TBL1XR1: variants seen among roughly 807,000 people sequenced by gnomAD.
TBL1XR1 encodes F-box-like/WD repeat-containing protein TBL1XR1.
Under a neutral mutation model 66.9 loss-of-function variants are expected in TBL1XR1, and 5 were observed. The observed-to-expected ratio is 0.07, with a 90% CI of 0.04 to 0.16. The LOEUF (loss-of-function observed/expected upper bound fraction) is 0.16, where lower values mean the gene tolerates loss of function less well. Among genes scored for constraint, TBL1XR1 ranks in the 10% least tolerant of loss-of-function variants. The pLI, the probability that TBL1XR1 is intolerant of heterozygous loss-of-function variation, is 1.00. For missense variants in TBL1XR1, 238 were observed against 623.2 expected, an observed-to-expected ratio of 0.38 and a Z score of 6.58; for synonymous variants, 210 against 206.0, an observed-to-expected ratio of 1.02 and a Z score of -0.17.
intron 1 of TBL1XR1, among the ~76,000 whole-genome samples, chr3:177,165,961 G>A (rs1005644827): frequency 7.9e-5 from 12 of 152,088 alleles, no homozygotes; most frequent in Admixed American, 7.2e-4. Flanking sequence ...ATGGTGGTAT[G>A]CCCCTGTAGA....
chr3:177,084,323 C>T (rs1320016672), intron 2 of TBL1XR1, among the ~76,000 whole-genome samples: 1 of 152,132 alleles, frequency 6.6e-6, no homozygotes, highest in African/African-American at 2.4e-5. Flanking sequence ...TCTTCTTTCC[C>T]TTTCATAACT....
At chr3:177,113,107 T>A (rs6781633) in intron 1 of TBL1XR1, among the ~76,000 whole-genome samples, 2 of 152,014 alleles carry the variant, frequency 1.3e-5, no homozygotes, top group African/African-American at 2.4e-5. Context: ...GAACACACAG[T>A]GGGGAGAGAA....
intron 2 of TBL1XR1, among the ~76,000 whole-genome samples, chr3:177,082,413 T>C (rs1004533320): frequency 6.6e-6 from 1 of 151,968 alleles, no homozygotes; most frequent in Admixed American, 6.6e-5. Flanking sequence ...AAAAATCTTA[T>C]ATCTTGTAAT....
chr3:177,058,514 G>A (rs1334441978), intron 3 of TBL1XR1, among the ~76,000 whole-genome samples: 2 of 152,058 alleles, frequency 1.3e-5, no homozygotes, highest in African/African-American at 4.8e-5. Flanking sequence ...AATTATTCAC[G>A]CCATAGCTGG....
intron 7 of TBL1XR1, among the ~76,000 whole-genome samples, chr3:177,049,375 G>A (rs1165714020): frequency 2.0e-5 from 3 of 152,166 alleles, no homozygotes; most frequent in Admixed American, 2.0e-4. Flanking sequence ...CTATAATGGT[G>A]AGAATTTATC....
intron 1 of TBL1XR1, among the ~76,000 whole-genome samples, chr3:177,126,815 CAAAA>C (rs10559049): frequency 4.7e-5 from 7 of 148,204 alleles, no homozygotes; most frequent in African/African-American, 1.2e-4. Context: ...CATTTTCAGC[CAAAA>C]AAAAAAAAAG....
chr3:177,156,711 A>G (rs2108873258), intron 1 of TBL1XR1, among the ~76,000 whole-genome samples: 1 of 152,228 alleles, frequency 6.6e-6, no homozygotes, highest in South Asian at 2.1e-4. Context: ...AAAAAGATGT[A>G]TGAATGTCCT....
At chr3:177,196,707 A>C (rs1308430261) in intron 1 of TBL1XR1, among the ~76,000 whole-genome samples, 2 of 148,274 alleles carry the variant, frequency 1.3e-5, no homozygotes, top group Admixed American at 1.4e-4. Flanking sequence ...CCTTGATTCA[A>C]TTTGCTGCAA....
rs556770393 is a variant in TBL1XR1, at chr3:177,149,106, C to T, written c.-122+48015G>A. ...TTCCATTTCTTGCTCAGTCCCAAGA[C>T]GGCAGACATATTTGGCTTTTGATGA... On this transcript the variant is annotated intron_variant, in intron 1 of 15. Coordinates refer to ENST00000457928, the MANE Select transcript of TBL1XR1 (RefSeq NM_024665.7). 5.3e-5 allele frequency among the ~76,000 whole-genome samples: 8 copies of T among 152,284 alleles called. No individual in the cohort carries two copies. The East Asian group carries it at 5.8e-4, about 11-fold the overall frequency.
At chr3:177,100,587 G>A (rs1293558721) in intron 1 of TBL1XR1, among the ~76,000 whole-genome samples, 1 of 151,980 alleles carries the variant, frequency 6.6e-6, no homozygotes. Flanking sequence ...ACCACGCCTG[G>A]CCAATTTTGG....
At chr3:177,127,103 G>A (rs1486297612) in intron 1 of TBL1XR1, among the ~76,000 whole-genome samples, 1 of 152,152 alleles carries the variant, frequency 6.6e-6, no homozygotes, top group Non-Finnish European at 1.5e-5. Flanking sequence ...TGTGGAACCT[G>A]CTGCCCAAGT....
chr3:177,109,420 T>C (rs905627564), intron 1 of TBL1XR1, among the ~76,000 whole-genome samples: 2 of 152,088 alleles, frequency 1.3e-5, no homozygotes, highest in Admixed American at 1.3e-4. Flanking sequence ...AAACAGAAGG[T>C]TGTTTTGTTT....
At chr3:177,131,245 G>C in intron 1 of TBL1XR1, 1 of 633,444 alleles carries the variant, frequency 1.6e-6, no homozygotes, top group African/African-American at 2.0e-5. Flanking sequence ...TTCATTCAAA[G>C]ACACATAGCA....
intron 1 of TBL1XR1, among the ~76,000 whole-genome samples, chr3:177,161,546 G>A (rs1424343585): frequency 2.0e-5 from 3 of 152,084 alleles, no homozygotes; most frequent in Non-Finnish European, 4.4e-5. Context: ...ACTTTGGGAG[G>A]CTGAAGCGGG....
chr3:177,090,681 C>T (rs567937413), intron 2 of TBL1XR1, among the ~76,000 whole-genome samples: 10 of 151,948 alleles, frequency 6.6e-5, no homozygotes, highest in Admixed American at 1.3e-4. Flanking sequence ...CATGGTGGCA[C>T]GCACCTGTAG....
rs187635517 is a variant in TBL1XR1 at position 177,101,960 on chromosome 3, T to A, written c.-121-3419A>T. The stretch of plus-strand genomic sequence containing the variant: ...TGAACCCCTGTATTAACCATTAGAA[T>A]TTTTTTTTTTACTTTGAAATGAACA... On this transcript the variant is annotated intron_variant, in intron 1 of 15. Coordinates refer to ENST00000457928, the MANE Select transcript of TBL1XR1 (RefSeq NM_024665.7). Among the ~76,000 whole-genome samples the A allele has an allele frequency of 1.4e-3, 196 of 141,378 alleles. 4 individuals are homozygous for A. In the East Asian group the frequency reaches 0.037, roughly 27 times the overall value. The allele number at this position is 141,378 out of a possible 152,430, so 92.7% of individuals were successfully genotyped here.
At chr3:177,166,671 G>A (rs928904810) in intron 1 of TBL1XR1, among the ~76,000 whole-genome samples, 2 of 152,168 alleles carry the variant, frequency 1.3e-5, no homozygotes. Flanking sequence ...CAGCCATGCA[G>A]AACTGTGAGT....
At chr3:177,112,107 A>ATATATATATATATTTTTTTTTT in intron 1 of TBL1XR1, among the ~76,000 whole-genome samples, 2 of 37,650 alleles carry the variant, frequency 5.3e-5, no homozygotes, top group Non-Finnish European at 4.5e-5. Flanking sequence ...ATATATATAT[A>ATATATATATATATTTTTTTTTT]TTTTTTTTTT....
At chr3:177,078,931 G>A (rs998813606) in intron 2 of TBL1XR1, among the ~76,000 whole-genome samples, 4 of 151,362 alleles carry the variant, frequency 2.6e-5, no homozygotes, top group African/African-American at 9.7e-5. Context: ...CCTGGGCAAC[G>A]GAGTGAGACT....
Sources: allele counts gnomAD v4.1 joint callset (sites outside exome capture counted in the v4.1 genomes callset), GRCh38; gene constraint gnomAD v4.1.1; transcripts MANE v1.5; gene names NCBI Gene and HGNC (gene_info 2026-07-23, HGNC 2026-07-21).